The following NUDT13 variants were observed in gnomAD, a reference collection of about 807,000 sequenced individuals.
NUDT13 encodes the protein nudix hydrolase 13, also known as NAD(P)H pyrophosphatase NUDT13, mitochondrial.
In NUDT13, 40 loss-of-function variants were observed where a neutral mutation model predicts 41.7. That is an observed-to-expected ratio of 0.96 (90% CI 0.75 to 1.25). The LOEUF (loss-of-function observed/expected upper bound fraction) is 1.25. NUDT13 is among the 50% of genes most tolerant of loss of function. The pLI, the probability that NUDT13 is intolerant of heterozygous loss-of-function variation, is 0.00. For synonymous variants in NUDT13, 145 were observed against 155.5 expected, an observed-to-expected ratio of 0.93 and a Z score of 0.50; for missense variants, 390 against 416.1, an observed-to-expected ratio of 0.94 and a Z score of 0.55.
At chr10:73,130,461 TAAAAAAA>T (rs10539030) in intron 8 of NUDT13, 3 of 147,236 alleles carry the variant, frequency 2.0e-5, no homozygotes, top group East Asian at 1.9e-4. Flanking sequence ...AGACTCCGTC[TAAAAAAA>T]AAAAAATATA....
At chr10:73,113,518 C>T (rs1842422049) in intron 1 of NUDT13, among the ~76,000 whole-genome samples, 1 of 152,148 alleles carries the variant, frequency 6.6e-6, no homozygotes, top group African/African-American at 2.4e-5. Context: ...TTGCATACTG[C>T]CTTCTGTGAA....
chr10:73,125,585 G>A (rs1842752782), intron 7 of NUDT13, 76 bp downstream of exon 7: 4 of 954,192 alleles, frequency 4.2e-6, no homozygotes. Context: ...CTGTCTTGTT[G>A]CTATAGAGCT....
rs767511707 is a variant in NUDT13 at position 73,130,783 on chromosome 10, C to G, written c.939C>G (p.Gly313=). The part of the protein sequence containing the change: ...DEVATALKRK[G]PYTQQQNGTF... Reference sequence around the variant, plus strand: ...TAGCCACAGCCCTGAAGAGAAAGGGCCCCTATACTCAGCAACAGAATGGGA... The same window carrying G: ...TAGCCACAGCCCTGAAGAGAAAGGGGCCCTATACTCAGCAACAGAATGGGA... Residue 313 remains glycine (G), a synonymous_variant, in exon 9 of 9, where the codon GGC becomes GGG. Coordinates refer to ENST00000357321, the MANE Select transcript of NUDT13 (RefSeq NM_015901.6). The G allele has an allele frequency of 6.2e-7, 1 of 1,613,790 alleles. No homozygotes were observed. Among genetic ancestry groups the G allele is most frequent in the Non-Finnish European group, 8.5e-7 (1 of 1,179,860 alleles).
intron 4 of NUDT13, among the ~76,000 whole-genome samples, chr10:73,122,876 C>G (rs1301615284): frequency 6.6e-6 from 1 of 150,996 alleles, no homozygotes; most frequent in Non-Finnish European, 1.5e-5. Context: ...GCCACCACAC[C>G]TGGCCTATAC....
At chr10:73,117,916 G>T (rs1362114355) in intron 2 of NUDT13, among the ~76,000 whole-genome samples, 2 of 152,146 alleles carry the variant, frequency 1.3e-5, no homozygotes. Context: ...ACTGAAAAGG[G>T]AAAATACATT....
At chr10:73,124,154 G>A (rs1842716607) in intron 4 of NUDT13, 60 bp from the exon 5 acceptor site, 4 of 1,140,178 alleles carry the variant, frequency 3.5e-6, no homozygotes, top group Admixed American at 3.4e-5. Flanking sequence ...ATAGACTGGA[G>A]AGAGGCCCTG....
At chr10:73,126,942 A>C in intron 8 of NUDT13, 115 bp downstream of exon 8, 3 of 907,084 alleles carry the variant, frequency 3.3e-6, no homozygotes, top group Non-Finnish European at 5.2e-6. Flanking sequence ...TTACATAAAC[A>C]TGTGTAAAAT....
rs189785859 is a variant in NUDT13 at position 73,116,062 on chromosome 10, C to A, written c.83+1614C>A. ...TTGCTCTGTCACACAGGCTGGAGTGCAGTGCTATGATCATAGCTCACTGCA... is the reference window on the plus strand; with the variant it reads ...TTGCTCTGTCACACAGGCTGGAGTGAAGTGCTATGATCATAGCTCACTGCA... On this transcript the variant is annotated intron_variant, in intron 2 of 8. Transcript: ENST00000357321. Among the ~76,000 whole-genome samples the A allele has an allele frequency of 2.0e-4, 31 of 152,004 alleles. No individual in the cohort carries two copies. In the Middle Eastern group the frequency reaches 0.01, roughly 50 times the overall value.
chr10:73,124,861 T>G, intron 5 of NUDT13: 1 of 346,660 alleles, frequency 2.9e-6, no homozygotes, highest in Non-Finnish European at 5.2e-6. Context: ...GTTCATTTTA[T>G]TACCTCATAT....
chr10:73,121,285 T>C (rs1398392678), intron 3 of NUDT13, among the ~76,000 whole-genome samples: 1 of 152,198 alleles, frequency 6.6e-6, no homozygotes, highest in Non-Finnish European at 1.5e-5. Context: ...CAGTTTTATA[T>C]GAGTCACTAT....
intron 1 of NUDT13, among the ~76,000 whole-genome samples, chr10:73,112,373 AAT>A (rs1331208509): frequency 6.6e-6 from 1 of 151,696 alleles, no homozygotes; most frequent in African/African-American, 2.4e-5. Flanking sequence ...TAGAAAGAAA[AAT>A]ATAATTAAAT....
At position 73,130,745 on chromosome 10, in the gene NUDT13, A is replaced by C; in HGVS notation, c.901A>C (p.Ser301Arg). 6.2e-7 allele frequency: 1 copy of C among 1,613,942 alleles called. No individual in the cohort carries two copies. The highest frequency in any genetic ancestry group is 8.5e-7 in the Non-Finnish European group (1 of 1,179,918). ...AGAATTAGAGACAGCTGCCTGGTTC[A>C]GTCATGATGAGGTAGCCACAGCCCT... ...LRELETAAWF[S>R]HDEVATALKR... The change falls in exon 9 of 9, where the codon AGT becomes CGT. Residue 301 changes from serine to arginine, a missense_variant. Coordinates refer to ENST00000357321, the MANE Select transcript of NUDT13 (RefSeq NM_015901.6).
At chr10:73,114,539 GATT>G (rs1395666327) in intron 2 of NUDT13, 91 bp downstream of exon 2, 3 of 436,978 alleles carry the variant, frequency 6.9e-6, no homozygotes, top group Non-Finnish European at 1.2e-5. Flanking sequence ...TTAGGTTTAT[GATT>G]ATTATATATA....
At chr10:73,113,634 T>C (rs1842424846) in intron 1 of NUDT13, among the ~76,000 whole-genome samples, 1 of 152,218 alleles carries the variant, frequency 6.6e-6, no homozygotes, top group Admixed American at 6.5e-5. Flanking sequence ...ATAAAGTCAG[T>C]ACTCAATAAA....
At chr10:73,129,035 G>A (rs960375741) in intron 8 of NUDT13, among the ~76,000 whole-genome samples, 1 of 152,114 alleles carries the variant, frequency 6.6e-6, no homozygotes, top group Non-Finnish European at 1.5e-5. Context: ...CTTACATATA[G>A]TAGGCGCACA....
chr10:73,121,632 A>T (rs1842647999), intron 3 of NUDT13, among the ~76,000 whole-genome samples: 1 of 152,144 alleles, frequency 6.6e-6, no homozygotes, highest in Non-Finnish European at 1.5e-5. Context: ...ATTGGTCTTT[A>T]CCTGCAGCCT....
intron 4 of NUDT13, among the ~76,000 whole-genome samples, chr10:73,123,241 A>G (rs1224723323): frequency 6.6e-6 from 1 of 152,212 alleles, no homozygotes; most frequent in East Asian, 1.9e-4. Context: ...ATGTTAAAAA[A>G]CTTATAACAT....
chr10:73,125,029 T>G lies in NUDT13; in HGVS notation c.466-89T>G, dbSNP rs1842735780. 2.1e-6 allele frequency: 3 copies of G among 1,429,438 alleles called. No individual in the cohort carries two copies. In the South Asian group the frequency reaches 4.8e-5, roughly 23 times the overall value. 88.5% of individuals were successfully genotyped at this position (1,429,438 alleles called of 1,614,324 possible). On this transcript the variant is annotated intron_variant, in intron 5 of 8. Transcript: ENST00000357321. ...CTGTAAAGAGATTGGCATTTTTCTG[T>G]GAGTTGTTCCAGACACTAGGCCCAG...
At chr10:73,114,568 T>A in intron 2 of NUDT13, 120 bp downstream of exon 2, 3 of 289,944 alleles carry the variant, frequency 1.0e-5, no homozygotes, top group Non-Finnish European at 1.9e-5. Flanking sequence ...TATATTACTA[T>A]ATTTGTGTGT....
Sources: allele counts gnomAD v4.1 joint callset (sites outside exome capture counted in the v4.1 genomes callset), GRCh38; gene constraint gnomAD v4.1.1; transcripts MANE v1.5; gene names NCBI Gene and HGNC (gene_info 2026-07-23, HGNC 2026-07-21).